Variants in NDST3 observed in about 807,000 individuals in gnomAD.
The protein encoded by NDST3 is N-deacetylase and N-sulfotransferase 3.
A neutral mutation model predicts 96.1 loss-of-function variants in NDST3; 58 were observed. That is an observed-to-expected ratio of 0.60 (90% confidence interval 0.49 to 0.75). The LOEUF is 0.75. Among genes scored for constraint, NDST3 ranks in the 30% least tolerant of loss-of-function variants. NDST3 has a pLI of 0.00. For synonymous variants in NDST3, 333 were observed against 359.7 expected (o/e 0.93, Z 0.84); for missense variants, 788 against 1,034.2 (o/e 0.76, Z 3.27).
In NDST3 at chr4:118,238,865, C is replaced by G. The variant is rs1266563326; in HGVS notation, c.2118+1645C>G. On this transcript the variant is annotated intron_variant, in intron 10 of 13. Transcript: ENST00000296499. ...GCCCAAATACCAGAACCATGGGGCA[C>G]TTTCTTAAATAAGGGAAAGATACGT... Among the ~76,000 whole-genome samples, 5 of 152,238 alleles carry G rather than the reference C, an allele frequency of 3.3e-5. No homozygotes were observed. In the East Asian group the frequency reaches 9.7e-4, roughly 29 times the overall value.
In NDST3 at chr4:118,242,487, G is replaced by C. The variant is rs1214378878; in HGVS notation, c.2399+338G>C. On this transcript the variant is annotated intron_variant, in intron 12 of 13. Transcript: ENST00000296499. ...TTTAACAGGCAATATGGGGCTTCTT[G>C]GAAGTATGAACAGGTGAGTAACTAG... is the stretch of plus-strand genomic sequence containing the variant. Among the ~76,000 whole-genome samples, 3 of 152,264 alleles carry C rather than the reference G, an allele frequency of 2.0e-5. No homozygotes were observed. In the East Asian group the frequency reaches 5.8e-4, roughly 29 times the overall value.
At chr4:118,242,857 G>A (rs1024673341) in intron 12 of NDST3, among the ~76,000 whole-genome samples, 2 of 152,074 alleles carry the variant, frequency 1.3e-5, no homozygotes, top group African/African-American at 4.8e-5. Context: ...TCTCGGAGGT[G>A]TGCCCATGCC....
chr4:118,223,822 G>A (rs1280266415), intron 6 of NDST3, among the ~76,000 whole-genome samples: 1 of 151,884 alleles, frequency 6.6e-6, no homozygotes, highest in Non-Finnish European at 1.5e-5. Flanking sequence ...CTTTTTTATA[G>A]CAGCATAAAC....
chr4:118,189,767 T>C (rs1324526759), intron 6 of NDST3, among the ~76,000 whole-genome samples: 1 of 152,196 alleles, frequency 6.6e-6, no homozygotes, highest in African/African-American at 2.4e-5. Context: ...GATATTTTAC[T>C]GTCATTTATT....
At chr4:118,160,775 A>T (rs1735052163) in intron 6 of NDST3, among the ~76,000 whole-genome samples, 1 of 151,958 alleles carries the variant, frequency 6.6e-6, no homozygotes, top group Admixed American at 6.6e-5. Context: ...ATTCGTCTAA[A>T]TTTTTTTCAA....
intron 2 of NDST3, among the ~76,000 whole-genome samples, chr4:118,062,423 T>C (rs1725969785): frequency 6.6e-6 from 1 of 152,116 alleles, no homozygotes; most frequent in Non-Finnish European, 1.5e-5. Context: ...TGTCACAATA[T>C]TAGGCAATTT....
In NDST3 at chr4:118,071,963, T is replaced by G. The variant is rs549872805; in HGVS notation, c.981+17072T>G. 3.3e-5 allele frequency among the ~76,000 whole-genome samples: 5 copies of G among 152,220 alleles called. No homozygotes were observed. The South Asian group carries it at 1.0e-3, about 32-fold the overall frequency. On this transcript the variant is annotated intron_variant, in intron 2 of 13. Transcript: ENST00000296499. ...ATTCTGACTGGTGTAAGACGGTATC[T>G]CATTGTGGTTTTTATTTGCATTTCT...
chr4:118,134,508 A>G (rs1732912098), intron 4 of NDST3, among the ~76,000 whole-genome samples: 2 of 152,230 alleles, frequency 1.3e-5, no homozygotes, highest in African/African-American at 4.8e-5. Context: ...TAATGATAGA[A>G]TTGAAGAAAA....
At position 118,240,546 on chromosome 4, in the gene NDST3, C is replaced by G. The variant is rs1253537724; in HGVS notation, c.2141C>G (p.Pro714Arg). The stretch of plus-strand genomic sequence containing the variant: ...TAGCATCAGCGATCACATGAAGACC[C>G]TGCAGCTCTGAAGTTTAGCTTCTAC... ...WYQHQRSHED[P>R]AALKFSFYEV... Residue 714 changes from proline (P) to arginine (R), a missense_variant, in exon 11 of 14, where the codon CCT becomes CGT. Coordinates refer to ENST00000296499, the MANE Select transcript of NDST3 (RefSeq NM_004784.3). The G allele has an allele frequency of 1.9e-6, 3 of 1,612,896 alleles. No homozygotes were observed. The South Asian group carries it at 3.3e-5, about 18-fold the overall frequency.
chr4:118,212,514 T>C (rs1738868622), intron 6 of NDST3, among the ~76,000 whole-genome samples: 2 of 152,192 alleles, frequency 1.3e-5, no homozygotes, highest in African/African-American at 4.8e-5. Flanking sequence ...CACTCCAGCC[T>C]GGGTGGCAAA....
intron 13 of NDST3, among the ~76,000 whole-genome samples, chr4:118,254,324 GTAAGTTACTGATATAATATAC>G (rs1578881948): frequency 1.3e-5 from 2 of 151,588 alleles, no homozygotes; most frequent in Admixed American, 6.6e-5. Context: ...GGGCAGTAAT[GTAAGTTACTGATATAATATAC>G]TAAGTTTTGA....
intron 10 of NDST3, among the ~76,000 whole-genome samples, chr4:118,240,134 G>C (rs770328415): frequency 5.3e-5 from 8 of 151,472 alleles, no homozygotes; most frequent in Non-Finnish European, 1.0e-4. Context: ...AGAGGTAGTA[G>C]GGTGCTTCTC....
rs1343784558 is a variant in NDST3 at position 118,106,792 on chromosome 4, T to TA, written c.1069+1696dup. Among the ~76,000 whole-genome samples, 8 of 151,096 alleles carry TA rather than the reference T, an allele frequency of 5.3e-5. No individual in the cohort carries two copies. The East Asian group carries it at 5.9e-4, about 11-fold the overall frequency. ...AGCAACAGAGCAAGAATCTGTCTCTTAAAAAAAAATCTAATTGGCTGGGTG... is the reference window on the plus strand; with the variant it reads ...AGCAACAGAGCAAGAATCTGTCTCTTAAAAAAAAAATCTAATTGGCTGGGTG... On this transcript the variant is annotated intron_variant, in intron 3 of 13. Coordinates refer to ENST00000296499, the MANE Select transcript of NDST3 (RefSeq NM_004784.3).
At position 118,257,407 on chromosome 4, in the gene NDST3, G is replaced by A. The variant is rs1742182510; in HGVS notation, c.*1695G>A. ...CCACCTTGGCCTCTCAAAGTGCTGA[G>A]ATTACAAGCGTGAGCCACCATGCCC... On this transcript the variant is annotated 3_prime_UTR_variant, in exon 14 of 14. Transcript: ENST00000296499. 1 of 152,124 alleles carries A rather than the reference G, an allele frequency of 6.6e-6. No homozygotes were observed. The highest frequency in any genetic ancestry group is 1.5e-5 in the Non-Finnish European group (1 of 68,044). The allele number at this position is 152,124 out of a possible 1,614,324, so 9.4% of individuals were successfully genotyped here.
At chr4:118,188,525 T>C (rs528248538) in intron 6 of NDST3, among the ~76,000 whole-genome samples, 14 of 152,188 alleles carry the variant, frequency 9.2e-5, no homozygotes, top group Admixed American at 1.3e-4. Flanking sequence ...TGATAACTAA[T>C]AGGCTATCGC....
chr4:118,037,308 T>G (rs11098420), intron 1 of NDST3, among the ~76,000 whole-genome samples: 97,086 of 152,088 alleles, frequency 0.64, 34,419 homozygotes, highest in South Asian at 0.82. Context: ...ATAGTTACCT[T>G]GTACCAGGCA....
At chr4:118,194,318 T>A (rs1208770614) in intron 6 of NDST3, 2 of 734,712 alleles carry the variant, frequency 2.7e-6, no homozygotes, top group African/African-American at 3.4e-5. Context: ...TTCCGCCATC[T>A]TCTTCTTCCG....
At chr4:118,096,643 C>A (rs1017804875) in intron 2 of NDST3, among the ~76,000 whole-genome samples, 1 of 150,488 alleles carries the variant, frequency 6.6e-6, no homozygotes, top group Non-Finnish European at 1.5e-5. Flanking sequence ...CCAATACATA[C>A]TCCATTATGG....
intron 2 of NDST3, among the ~76,000 whole-genome samples, chr4:118,104,297 G>C (rs1446800014): frequency 6.6e-6 from 1 of 152,082 alleles, no homozygotes; most frequent in Non-Finnish European, 1.5e-5. Context: ...GTGTATGTGA[G>C]AGAGAGACAG....
Sources: gnomAD v4.1 joint callset for allele counts (sites outside exome capture counted in the v4.1 genomes callset) on GRCh38, gnomAD v4.1.1 for gene constraint, MANE v1.5 for transcripts, NCBI Gene and HGNC (gene_info 2026-07-23, HGNC 2026-07-21) for gene names.